The following RAD54B variants were observed in gnomAD, a reference collection of about 807,000 sequenced individuals.
RAD54B encodes the protein RAD54 homolog B.
A neutral mutation model predicts 95.8 loss-of-function variants in RAD54B; 78 were observed. That is an observed-to-expected ratio of 0.81 (90% CI 0.68 to 0.98). The LOEUF is 0.98. RAD54B is among the 50% of genes least tolerant of loss of function. RAD54B has a pLI of 0.00. For missense variants in RAD54B, 957 were observed against 1,056.6 expected (o/e 0.91, Z 1.31); for synonymous variants, 328 against 354.9 (o/e 0.92, Z 0.85).
chr8:94,396,315 C>T (rs1263132469), intron 8 of RAD54B, among the ~76,000 whole-genome samples: 1 of 150,658 alleles, frequency 6.6e-6, no homozygotes, highest in African/African-American at 2.4e-5. Flanking sequence ...AGACTATTTT[C>T]AAGAGTATGG....
chr8:94,467,277 TAGA>T (rs2130199913), intron 2 of RAD54B, 125 bp downstream of exon 2: 1 of 833,952 alleles, frequency 1.2e-6, no homozygotes, highest in Non-Finnish European at 1.8e-6. Context: ...CCAAGGTTTT[TAGA>T]AGATGTTTTC....
rs764208607 is a variant in RAD54B at position 94,387,128 on chromosome 8, T to C, written c.1841A>G (p.Asn614Ser). Residue 614 changes from asparagine to serine, a missense_variant, in exon 11 of 15, where the codon AAT (asparagine) becomes AGT (serine). Asn to Ser is a conservative substitution (Grantham distance 46, BLOSUM62 1). Transcript: ENST00000336148. ...EKECSSTCDK[N>S]EEKSLYKGLL... ...GCCTTTGTATAGACTCTTTTCTTCA[T>C]TTTTATCACAAGTTGAGCTACATTC... 1 of 1,601,268 alleles carries C rather than the reference T, an allele frequency of 6.2e-7. No homozygotes were observed. The highest frequency in any genetic ancestry group is 8.5e-7 in the Non-Finnish European group (1 of 1,175,512).
At chr8:94,469,357 T>C (rs1163235488) in intron 1 of RAD54B, among the ~76,000 whole-genome samples, 1 of 152,162 alleles carries the variant, frequency 6.6e-6, no homozygotes, top group Non-Finnish European at 1.5e-5. Flanking sequence ...ACAAACTCTC[T>C]TGCCTGCTCC....
chr8:94,451,160 T>G (rs1812647462), intron 3 of RAD54B, among the ~76,000 whole-genome samples: 1 of 152,158 alleles, frequency 6.6e-6, no homozygotes, highest in African/African-American at 2.4e-5. Flanking sequence ...AAAAAAGAAC[T>G]AGGGCTCTTG....
chr8:94,420,421 A>C (rs775781913), intron 3 of RAD54B, among the ~76,000 whole-genome samples: 1 of 151,368 alleles, frequency 6.6e-6, no homozygotes, highest in Non-Finnish European at 1.5e-5. Flanking sequence ...AAGCCCGGCT[A>C]ATTTTTTTTT....
intron 3 of RAD54B, among the ~76,000 whole-genome samples, chr8:94,448,292 C>T (rs1812568601): frequency 1.3e-5 from 2 of 152,134 alleles, no homozygotes; most frequent in South Asian, 2.1e-4. Flanking sequence ...CTGTCTCCTC[C>T]GCCCCACTCC....
At chr8:94,401,097 A>G (rs1811256131) in intron 6 of RAD54B, among the ~76,000 whole-genome samples, 2 of 152,192 alleles carry the variant, frequency 1.3e-5, no homozygotes, top group Admixed American at 1.3e-4. Context: ...AAGACCTTAG[A>G]AGTGTATGTT....
At chr8:94,429,001 T>C (rs897032257) in intron 3 of RAD54B, 2 of 982,790 alleles carry the variant, frequency 2.0e-6, no homozygotes, top group African/African-American at 1.7e-5. Context: ...ATCATGGTTA[T>C]ACAAGGGGAG....
rs748036751 is a variant in RAD54B at position 94,372,231 on chromosome 8, C to A, written c.2672G>T (p.Arg891Ile). ...AATGAATGACACATTTTCTGTTATT[C>A]TTTCAAGAAAAGGATCTGTAAGATT... ...HLNLTDPFLE[R>I]ITENVSFIFQ... Residue 891 changes from arginine (R) to isoleucine (I), a missense_variant, in exon 15 of 15, where the codon AGA (arginine) becomes ATA (isoleucine). Coordinates refer to ENST00000336148, the MANE Select transcript of RAD54B (RefSeq NM_012415.3). The A allele has an allele frequency of 6.2e-7, 1 of 1,612,002 alleles. No homozygotes were observed. Among genetic ancestry groups the A allele is most frequent in the Non-Finnish European group, 8.5e-7 (1 of 1,179,356 alleles).
intron 10 of RAD54B, among the ~76,000 whole-genome samples, chr8:94,390,426 G>A (rs983370379): frequency 6.6e-6 from 1 of 151,374 alleles, no homozygotes; most frequent in African/African-American, 2.4e-5. Flanking sequence ...CTTGAACGTG[G>A]GAGGTGGAGG....
chr8:94,429,950 A>G (rs1812044676), intron 3 of RAD54B: 3 of 985,266 alleles, frequency 3.0e-6, no homozygotes, highest in African/African-American at 1.7e-5. Flanking sequence ...AATCACAACT[A>G]TAATCAAATT....
In RAD54B at chr8:94,404,204, G is replaced by A; in HGVS notation, c.817C>T (p.Gln273Ter). The change falls in exon 6 of 15, where the codon CAG becomes TAG. Residue 273 changes from glutamine to a stop codon, truncating the protein, a stop_gained. Transcript: ENST00000336148. LOFTEE classifies it high-confidence loss of function. The stretch of plus-strand genomic sequence containing the variant: ...AAACAGTTCTTATTGAATACCCACT[G>A]GTGATTCTTATCTGGTCGTGGCATA... Reference protein sequence around the residue: ...LVMPRPDKNHQWVFNKNCFPL... With the variant: ...LVMPRPDKNH 6.2e-7 allele frequency: 1 copy of A among 1,608,170 alleles called. No homozygotes were observed. The highest frequency in any genetic ancestry group is 2.2e-5 in the East Asian group (1 of 44,616).
At position 94,400,369 on chromosome 8, in the gene RAD54B, C is replaced by T. The variant is rs771506985; in HGVS notation, c.1039G>A (p.Gly347Arg). Residue 347 changes from glycine to arginine, a missense_variant, in exon 7 of 15, where the codon GGA (glycine) becomes AGA (arginine). By Grantham distance (125) the Gly-to-Arg change is moderately radical. Transcript: ENST00000336148. ...ISLIWTLQCQ[G>R]PYGGKPVIKK... ...ATTACTGGCTTGCCTCCATAGGGTC[C>T]CTGACACTGCAGGGTCCAGATGAGC... 10 of 1,613,632 alleles carry T rather than the reference C, an allele frequency of 6.2e-6. No individual in the cohort carries two copies. Among genetic ancestry groups the T allele is most frequent in the African/African-American group, 1.3e-5 (1 of 74,884 alleles).
intron 3 of RAD54B, among the ~76,000 whole-genome samples, chr8:94,456,980 T>G (rs139433787): frequency 6.6e-6 from 1 of 152,230 alleles, no homozygotes; most frequent in African/African-American, 2.4e-5. Context: ...ACTCCCTCTT[T>G]ATTTTATCTT....
intron 3 of RAD54B, among the ~76,000 whole-genome samples, chr8:94,457,769 C>CA (rs1309618140): frequency 6.6e-6 from 1 of 152,030 alleles, no homozygotes; most frequent in African/African-American, 2.4e-5. Flanking sequence ...CTTACATATA[C>CA]AAAAAGAACC....
chr8:94,425,832 A>G (rs1811928183), intron 3 of RAD54B, among the ~76,000 whole-genome samples: 1 of 150,964 alleles, frequency 6.6e-6, no homozygotes, highest in Admixed American at 6.6e-5. Context: ...AAAAAAAACC[A>G]GTAAACTACA....
In RAD54B at chr8:94,458,391, TA is replaced by T. The variant is rs1169883068; in HGVS notation, c.180del (p.Arg61GlufsTer5). On this transcript the variant is annotated frameshift_variant, in exon 3 of 15. Coordinates refer to ENST00000336148, the MANE Select transcript of RAD54B (RefSeq NM_012415.3). LOFTEE classifies it high-confidence loss of function. Reference protein sequence around the residue: ...NNTFLPSQNDLRICSLNLPSE... With the variant: ...NNTFLPSQNDXRICSLNLPSE... ...CTAGGCAGATTTAAACTGCATATTC[TA>T]AGATCATTTTGTGACGGGAGAAAGG... 1.2e-6 allele frequency: 2 copies of T among 1,602,744 alleles called. No individual in the cohort carries two copies. The highest frequency in any genetic ancestry group is 4.5e-5 in the East Asian group (2 of 44,358).
intron 3 of RAD54B, among the ~76,000 whole-genome samples, chr8:94,439,740 G>T (rs1812355263): frequency 6.6e-6 from 1 of 152,196 alleles, no homozygotes; most frequent in Admixed American, 6.5e-5. Flanking sequence ...GTTTACAATT[G>T]GTTGAGTTTA....
At chr8:94,468,153 T>A (rs1366022579) in intron 1 of RAD54B, 1 of 152,210 alleles carries the variant, frequency 6.6e-6, no homozygotes, top group African/African-American at 2.4e-5. Context: ...CTTCAAGATG[T>A]CTCACCTTTT....
Sources: allele counts gnomAD v4.1 joint callset (sites outside exome capture counted in the v4.1 genomes callset), GRCh38; gene constraint gnomAD v4.1.1; transcripts MANE v1.5; gene names NCBI Gene and HGNC (gene_info 2026-07-23, HGNC 2026-07-21).